EDIL3: variants seen among roughly 807,000 people sequenced by gnomAD.
EDIL3 encodes EGF-like repeat and discoidin I-like domain-containing protein 3.
EDIL3 carries 37 observed loss-of-function variants against 67.4 expected under a neutral mutation model. That is an observed-to-expected ratio of 0.55 (90% CI 0.42 to 0.72). EDIL3 has a LOEUF of 0.72. EDIL3 is among the 30% of genes least tolerant of loss of function. The probability of loss-of-function intolerance (pLI) is 0.00; values close to 1 mark genes in which losing one functional copy is unlikely to be tolerated. For missense variants in EDIL3, 527 were observed against 586.3 expected (o/e 0.90, Z 1.04); for synonymous variants, 195 against 196.3 (o/e 0.99, Z 0.05).
intron 6 of EDIL3, among the ~76,000 whole-genome samples, chr5:84,083,205 C>T (rs1039135595): frequency 6.6e-6 from 1 of 152,046 alleles, no homozygotes; most frequent in African/African-American, 2.4e-5. Context: ...TGAATAGATA[C>T]TGAAATTTGA....
At chr5:84,193,398 G>C (rs1743631617) in intron 3 of EDIL3, among the ~76,000 whole-genome samples, 1 of 151,872 alleles carries the variant, frequency 6.6e-6, no homozygotes, top group South Asian at 2.1e-4. Flanking sequence ...GCCATTCACT[G>C]AAACAGCAAC....
intron 1 of EDIL3, among the ~76,000 whole-genome samples, chr5:84,262,807 A>G (rs1745261608): frequency 6.6e-6 from 1 of 151,268 alleles, no homozygotes; most frequent in East Asian, 2.0e-4. Context: ...ACTAGCTGGG[A>G]TTACAGGCAT....
chr5:83,965,893 G>A (rs968658456), intron 9 of EDIL3, among the ~76,000 whole-genome samples: 4 of 151,918 alleles, frequency 2.6e-5, no homozygotes, highest in Non-Finnish European at 4.4e-5. Context: ...CTTAGAGTAC[G>A]AGGCCTAAGC....
intron 9 of EDIL3, among the ~76,000 whole-genome samples, chr5:84,039,831 A>C (rs903897478): frequency 2.0e-5 from 3 of 152,030 alleles, no homozygotes; most frequent in African/African-American, 7.2e-5. Context: ...ATAAAATAAA[A>C]TAAAATAAAA....
intron 1 of EDIL3, among the ~76,000 whole-genome samples, chr5:84,263,003 T>C (rs908209452): frequency 2.6e-5 from 4 of 152,188 alleles, no homozygotes; most frequent in African/African-American, 9.6e-5. Flanking sequence ...TATTTCTACC[T>C]ATGAAGAATA....
chr5:84,340,534 C>CTATATA (rs776456328), intron 1 of EDIL3, among the ~76,000 whole-genome samples: 55 of 54,186 alleles, frequency 1.0e-3, no homozygotes, highest in Non-Finnish European at 1.3e-3. Context: ...CTCTCTCTCT[C>CTATATA]TATATATATA....
intron 1 of EDIL3, among the ~76,000 whole-genome samples, chr5:84,268,418 T>C (rs960836508): frequency 1.3e-5 from 2 of 152,076 alleles, no homozygotes; most frequent in African/African-American, 4.8e-5. Context: ...TACACGAGAG[T>C]AAAATGGTTA....
At chr5:83,960,027 T>C (rs550052957) in intron 10 of EDIL3, among the ~76,000 whole-genome samples, 3 of 151,150 alleles carry the variant, frequency 2.0e-5, no homozygotes, top group African/African-American at 7.2e-5. Flanking sequence ...AAGATTTCCT[T>C]ATGATAATAC....
chr5:84,328,906 TG>T (rs1746818611), intron 1 of EDIL3, among the ~76,000 whole-genome samples: 1 of 152,102 alleles, frequency 6.6e-6, no homozygotes, highest in East Asian at 1.9e-4. Flanking sequence ...TCTGTCTGTT[TG>T]ACCCTTCAGA....
intron 6 of EDIL3, among the ~76,000 whole-genome samples, chr5:84,097,281 C>T (rs1359833179): frequency 6.6e-6 from 1 of 152,040 alleles, no homozygotes; most frequent in Non-Finnish European, 1.5e-5. Context: ...AATACTAGAA[C>T]TGAAAAAACA....
intron 2 of EDIL3, among the ~76,000 whole-genome samples, chr5:84,251,899 C>A (rs1667417890): frequency 6.6e-6 from 1 of 152,116 alleles, no homozygotes; most frequent in Non-Finnish European, 1.5e-5. Flanking sequence ...CTCCTAAATA[C>A]AGCCCAGAGA....
In EDIL3 at chr5:84,060,462, C is replaced by T; in HGVS notation, c.975G>A (p.Met325Ile). The change falls in exon 9 of 11, where the codon ATG (methionine) becomes ATA (isoleucine). Residue 325 changes from methionine to isoleucine, a missense_variant. Met to Ile is a conservative substitution (Grantham distance 10). Coordinates refer to ENST00000296591, the MANE Select transcript of EDIL3 (RefSeq NM_005711.5). ...ELSGCSEPLG[M>I]KSGHIQDYQI... ...GATAGTCTTGTATATGTCCTGATTT[C>T]ATACCCAGAGGCTCAGAACAACCTG... 6 of 1,613,616 alleles carry T rather than the reference C, an allele frequency of 3.7e-6. No individual in the cohort carries two copies. The highest frequency in any genetic ancestry group is 5.1e-6 in the Non-Finnish European group (6 of 1,179,762).
intron 3 of EDIL3, among the ~76,000 whole-genome samples, chr5:84,219,124 AC>A (rs1267998889): frequency 2.0e-5 from 3 of 151,618 alleles, no homozygotes; most frequent in East Asian, 1.9e-4. Flanking sequence ...TGCTTGTGTC[AC>A]CCCCTCCCCC....
chr5:84,019,198 T>C (rs1343490748), intron 9 of EDIL3, among the ~76,000 whole-genome samples: 1 of 152,130 alleles, frequency 6.6e-6, no homozygotes, highest in Non-Finnish European at 1.5e-5. Context: ...ATATACACCA[T>C]GGAATACTAT....
At position 83,941,800 on chromosome 5, in the gene EDIL3, C is replaced by T. The variant is rs922857749; in HGVS notation, c.*1619G>A. ...TATGTGGCCAGCCAGTCCCCTTAGA[C>T]GAACTAATTTTGTTCTTATTAAAAA... On this transcript the variant is annotated 3_prime_UTR_variant, in exon 11 of 11. Transcript: ENST00000296591. 2 of 151,932 alleles carry T rather than the reference C, an allele frequency of 1.3e-5. No homozygotes were observed. The highest frequency in any genetic ancestry group is 6.6e-5 in the Admixed American group (1 of 15,238). 9.4% of individuals were successfully genotyped at this position (151,932 alleles called of 1,614,324 possible). A position where few individuals can be genotyped will look rare whatever the true frequency, so the allele number is the denominator to read the frequency against.
At chr5:83,997,778 G>T (rs1157513464) in intron 9 of EDIL3, among the ~76,000 whole-genome samples, 1 of 152,134 alleles carries the variant, frequency 6.6e-6, no homozygotes, top group East Asian at 1.9e-4. Flanking sequence ...ATACAAGAAA[G>T]CACCTTCATA....
At chr5:84,190,397 T>A (rs1743554691) in intron 3 of EDIL3, among the ~76,000 whole-genome samples, 1 of 151,856 alleles carries the variant, frequency 6.6e-6, no homozygotes, top group Admixed American at 6.6e-5. Context: ...AATTAAAGTT[T>A]GAGAATACAC....
chr5:84,116,444 C>T (rs1024435263), intron 5 of EDIL3, among the ~76,000 whole-genome samples: 1 of 152,088 alleles, frequency 6.6e-6, no homozygotes, highest in African/African-American at 2.4e-5. Flanking sequence ...GTAATACCTG[C>T]ATAATCAGAA....
intron 6 of EDIL3, among the ~76,000 whole-genome samples, chr5:84,077,197 C>A (rs867110205): frequency 6.6e-6 from 1 of 152,224 alleles, no homozygotes; most frequent in African/African-American, 2.4e-5. Context: ...TTACTCACCA[C>A]TGTTTGTGGC....
Sources: gnomAD v4.1 joint callset for allele counts (sites outside exome capture counted in the v4.1 genomes callset) on GRCh38, gnomAD v4.1.1 for gene constraint, MANE v1.5 for transcripts, NCBI Gene and HGNC (gene_info 2026-07-23, HGNC 2026-07-21) for gene names.